FTCD: variants seen among roughly 807,000 people sequenced by gnomAD.
FTCD encodes formimidoyltransferase-cyclodeaminase.
Under a neutral mutation model 62.9 loss-of-function variants are expected in FTCD, and 76 were observed. The observed-to-expected ratio is 1.21, with a 90% CI of 1.00 to 1.46. The LOEUF (loss-of-function observed/expected upper bound fraction) is 1.46, where lower values mean the gene tolerates loss of function less well. Ranked by LOEUF, FTCD falls within the 40% of genes most tolerant of loss-of-function variation. The probability of loss-of-function intolerance (pLI) is 0.00; values close to 1 mark genes in which losing one functional copy is unlikely to be tolerated. For synonymous variants in FTCD, 397 were observed against 336.9 expected, an observed-to-expected ratio of 1.18 and a Z score of -1.95; for missense variants, 845 against 751.3, an observed-to-expected ratio of 1.12 and a Z score of -1.46.
rs1193196464 is a variant in FTCD at position 46,152,895 on chromosome 21, G to T, written c.367+12C>A. On this transcript the variant is annotated intron_variant, in intron 3 of 13. Transcript: ENST00000397746. ...CGGGAGCAGAGTGAGGGGGGCGGGG[G>T]GGCACGCTCACCTGGCACGTCCAGC... is the stretch of plus-strand genomic sequence containing the variant. 2 of 1,565,906 alleles carry T rather than the reference G, an allele frequency of 1.3e-6. No individual in the cohort carries two copies. Among genetic ancestry groups the T allele is most frequent in the Admixed American group, 1.8e-5 (1 of 54,086 alleles).
Position 46,141,359 on chromosome 21 carries a change from C to T in FTCD, c.1261-2436G>A, listed in dbSNP as rs529947585. Reference sequence around the variant, plus strand: ...ACAGGGTCTTGGTGTGTGGTCTAGGCTGGTTTCAAACACCTGAGCTCAAGG... The same window carrying T: ...ACAGGGTCTTGGTGTGTGGTCTAGGTTGGTTTCAAACACCTGAGCTCAAGG... On this transcript the variant is annotated intron_variant, in intron 10 of 13. Transcript: ENST00000397746. Among the ~76,000 whole-genome samples the T allele has an allele frequency of 1.6e-3, 235 of 151,608 alleles. 2 individuals are homozygous for T. Among genetic ancestry groups the T allele is most frequent in the African/African-American group, 5.6e-3 (230 of 41,288 alleles).
Position 46,136,925 on chromosome 21 carries a change from G to C in FTCD, c.*62C>G, listed in dbSNP as rs756939017. Reference sequence around the variant, plus strand: ...AAGCTGTGTCCCCACCGAGGTCACAGCTCTGCCCTCTGGGGATGGGCGAGG... The same window carrying C: ...AAGCTGTGTCCCCACCGAGGTCACACCTCTGCCCTCTGGGGATGGGCGAGG... On this transcript the variant is annotated 3_prime_UTR_variant, in exon 14 of 14. Transcript: ENST00000397746. 4 of 1,610,490 alleles carry C rather than the reference G, an allele frequency of 2.5e-6. No individual in the cohort carries two copies. The highest frequency in any genetic ancestry group is 2.7e-5 in the African/African-American group (2 of 74,846).
chr21:46,136,477 C>T (rs746468230), downstream of FTCD: 3 of 1,612,532 alleles, frequency 1.9e-6, no homozygotes, highest in African/African-American at 4.0e-5. Context: ...GTCGAAGGTC[C>T]TGCTGTCCCT....
At chr21:46,136,382 C>G, downstream of FTCD, 6 of 1,545,010 alleles carry the variant, frequency 3.9e-6, no homozygotes, top group South Asian at 1.1e-5. Flanking sequence ...TGGACGGGAA[C>G]TGAGGACAGG....
In FTCD at chr21:46,137,076, G is replaced by C. The variant is rs1456965719; in HGVS notation, c.1540-3C>G. The C allele has an allele frequency of 6.2e-7, 1 of 1,613,774 alleles. No individual in the cohort carries two copies. Among genetic ancestry groups the C allele is most frequent in the Non-Finnish European group, 8.5e-7 (1 of 1,179,976 alleles). On this transcript the variant is annotated splice_polypyrimidine_tract_variant and splice_region_variant and intron_variant, in intron 13 of 13. Transcript: ENST00000397746. ...AGGCTGGAAACACGATGGTGGATCT[G>C]ATGGACACAGGGAAAGAGGGGTCTG...
chr21:46,137,390 G>C (rs1293535854), intron 12 of FTCD, 56 bp from the exon 13 acceptor site: 2 of 1,327,580 alleles, frequency 1.5e-6, no homozygotes, highest in Non-Finnish European at 2.2e-6. Context: ...ACTGCCGGAA[G>C]GAGGGTCTCT....
intron 8 of FTCD, 127 bp from the exon 9 acceptor site, chr21:46,146,074 G>A (rs1351277937): frequency 4.2e-6 from 3 of 719,200 alleles, no homozygotes; most frequent in Non-Finnish European, 4.5e-6. Context: ...CTGAGAACCT[G>A]CGGGGACCCG....
At position 46,151,612 on chromosome 21, in the gene FTCD, C is replaced by T. The variant is rs372230324; in HGVS notation, c.582G>A (p.Glu194=). The part of the protein sequence containing the change: ...AFNINLLGTK[E]QAHRIALNLR... ...GGTTGAGCGCGATGCGGTGGGCTTGCTCCTTTGTGCCGAGCAGGTTGATGT... is the reference window on the plus strand; with the variant it reads ...GGTTGAGCGCGATGCGGTGGGCTTGTTCCTTTGTGCCGAGCAGGTTGATGT... The change falls in exon 5 of 14, where the codon GAG becomes GAA. Residue 194 remains glutamate, a synonymous_variant. Coordinates refer to ENST00000397746, the MANE Select transcript of FTCD (RefSeq NM_206965.2). The T allele has an allele frequency of 6.2e-7, 1 of 1,612,958 alleles. No individual in the cohort carries two copies. Among genetic ancestry groups the T allele is most frequent in the African/African-American group, 1.3e-5 (1 of 74,952 alleles).
chr21:46,138,709 G>GCA, intron 11 of FTCD, 63 bp from the exon 12 acceptor site: 1 of 1,546,590 alleles, frequency 6.5e-7, no homozygotes, highest in Non-Finnish European at 8.8e-7. Flanking sequence ...TGGACACACT[G>GCA]CACCCCAACA....
At chr21:46,145,326 C>T (rs966055349) in intron 10 of FTCD, 91 bp downstream of exon 10, 12 of 1,117,340 alleles carry the variant, frequency 1.1e-5, no homozygotes, top group Middle Eastern at 5.9e-4. Flanking sequence ...AGCCCCTCCC[C>T]AGCCGGAGGC....
At chr21:46,146,648 C>T in intron 7 of FTCD, 1 of 490,562 alleles carries the variant, frequency 2.0e-6, no homozygotes, top group Non-Finnish European at 3.7e-6. Context: ...TGCTTCGCCG[C>T]CCCCCAGCAC....
intron 13 of FTCD, 25 bp from the exon 14 acceptor site, chr21:46,137,098 T>C (rs1462924777): frequency 3.1e-6 from 5 of 1,613,174 alleles, no homozygotes. Flanking sequence ...GAAAGAGGGG[T>C]CTGGTAGTTC....
chr21:46,137,341 G>T lies in FTCD; in HGVS notation c.1444-7C>A, dbSNP rs1416109392. 6.2e-7 allele frequency: 1 copy of T among 1,606,270 alleles called. No homozygotes were observed. Among genetic ancestry groups the T allele is most frequent in the African/African-American group, 1.3e-5 (1 of 74,830 alleles). The stretch of plus-strand genomic sequence containing the variant: ...CCAGGGCTTTGGCCGCCACCTGCAA[G>T]GACCCCAGGGAGCCCCTACATGGAT... On this transcript the variant is annotated splice_region_variant and splice_polypyrimidine_tract_variant and intron_variant, in intron 12 of 13. Coordinates refer to ENST00000397746, the MANE Select transcript of FTCD (RefSeq NM_206965.2).
chr21:46,142,835 A>C (rs1487039795), intron 10 of FTCD: 1 of 152,192 alleles, frequency 6.6e-6, no homozygotes, highest in Non-Finnish European at 1.5e-5. Flanking sequence ...GTTTTTAAAG[A>C]GTGCTGATTG....
At chr21:46,147,641 A>G (rs1357742591) in intron 7 of FTCD, among the ~76,000 whole-genome samples, 1 of 152,110 alleles carries the variant, frequency 6.6e-6, no homozygotes, top group Non-Finnish European at 1.5e-5. Context: ...CCTTCAGGTA[A>G]AGAAGACAAA....
chr21:46,152,306 C>T, intron 3 of FTCD: 1 of 338,760 alleles, frequency 3.0e-6, no homozygotes, highest in Non-Finnish European at 5.4e-6. Flanking sequence ...CCGCAAGCAA[C>T]CACATAAATA....
Position 46,146,279 on chromosome 21 carries a change from C to T in FTCD, c.955G>A (p.Glu319Lys). ...LDSLCPFSPK[E>K]RIIEYLVPER... ...GCAGAGGCTCACTCGATGATCCGCT[C>T]CTTAGGGCTGAAGGGGCACAGGGAG... Residue 319 changes from glutamate (E) to lysine (K), a missense_variant, in exon 8 of 14, where the codon GAG (glutamate) becomes AAG (lysine). Physicochemically the swap from Glu to Lys is moderately conservative, Grantham distance 56 (BLOSUM62 1). Coordinates refer to ENST00000397746, the MANE Select transcript of FTCD (RefSeq NM_206965.2). 1 of 1,603,894 alleles carries T rather than the reference C, an allele frequency of 6.2e-7. No individual in the cohort carries two copies. The highest frequency in any genetic ancestry group is 1.7e-5 in the Admixed American group (1 of 59,444).
intron 10 of FTCD, 61 bp from the exon 11 acceptor site, chr21:46,138,984 G>C (rs999457654): frequency 1.6e-6 from 2 of 1,288,890 alleles, no homozygotes; most frequent in Admixed American, 1.7e-5. Flanking sequence ...CATGCCCTCT[G>C]AGCTCCCACA....
Position 46,151,906 on chromosome 21 carries a change from C to T in FTCD, c.442G>A (p.Ala148Thr). ...GGTGGGGGCACCTTCTTAGGGAGGG[C>T]CTCGTACTCCCCGGCCCGGATGGCC... is the stretch of plus-strand genomic sequence containing the variant. ...LPAIRAGEYE[A>T]LPKKLQQADW... Residue 148 changes from alanine to threonine, a missense_variant, in exon 4 of 14, where the codon GCC becomes ACC. Coordinates refer to ENST00000397746, the MANE Select transcript of FTCD (RefSeq NM_206965.2). 1 of 1,564,102 alleles carries T rather than the reference C, an allele frequency of 6.4e-7. No individual in the cohort carries two copies. Among genetic ancestry groups the T allele is most frequent in the Non-Finnish European group, 8.7e-7 (1 of 1,154,956 alleles).
Sources: gnomAD v4.1 joint callset for allele counts (sites outside exome capture counted in the v4.1 genomes callset) on GRCh38, gnomAD v4.1.1 for gene constraint, MANE v1.5 for transcripts, NCBI Gene and HGNC (gene_info 2026-07-23, HGNC 2026-07-21) for gene names.